TEX11: variants seen among roughly 807,000 people sequenced by gnomAD.
TEX11 encodes the protein testis expressed 11.
In TEX11, 7 loss-of-function variants were observed where a neutral mutation model predicts 84.4. The ratio of observed to expected loss-of-function variants is 0.08; its 90% confidence interval spans 0.05 to 0.16. The LOEUF (loss-of-function observed/expected upper bound fraction) is 0.16. Among genes scored for constraint, TEX11 ranks in the 10% least tolerant of loss-of-function variants. TEX11 has a pLI of 1.00. For synonymous variants in TEX11, 264 were observed against 222.8 expected, an observed-to-expected ratio of 1.18 and a Z score of -1.64; for missense variants, 551 against 660.5, an observed-to-expected ratio of 0.83 and a Z score of 1.82.
chrX:70,555,474 C>T (rs779779113), intron 25 of TEX11, among the ~76,000 whole-genome samples: 10 of 112,022 alleles, frequency 8.9e-5, no homozygotes, highest in South Asian at 3.7e-4. Flanking sequence ...TGTTTAAACC[C>T]GTGTAATAAC....
At chrX:70,644,460 G>T (rs1304788415) in intron 17 of TEX11, among the ~76,000 whole-genome samples, 3 of 106,746 alleles carry the variant, frequency 2.8e-5, no homozygotes, top group Admixed American at 1.0e-4. Flanking sequence ...CTGCTATAAA[G>T]ACACATGCAC....
At chrX:70,580,233 A>AT (rs2088753197) in intron 25 of TEX11, among the ~76,000 whole-genome samples, 1 of 112,407 alleles carries the variant, frequency 8.9e-6, no homozygotes, top group Non-Finnish European at 1.9e-5. Flanking sequence ...GTTCTCACTT[A>AT]TTTGTGGAAG....
chrX:70,813,704 C>T (rs1302781751), intron 8 of TEX11, among the ~76,000 whole-genome samples: 61 of 111,462 alleles, frequency 5.5e-4, no homozygotes, highest in Non-Finnish European at 7.9e-4. Flanking sequence ...AAAACCCCAT[C>T]GTCTCAGCCC....
intron 17 of TEX11, among the ~76,000 whole-genome samples, chrX:70,645,413 C>G (rs941774600): frequency 9.0e-6 from 1 of 111,417 alleles, no homozygotes; most frequent in African/African-American, 3.3e-5. Flanking sequence ...ACTCTCACTA[C>G]TTCTATTCAA....
chrX:70,874,327 G>A, intron 3 of TEX11, among the ~76,000 whole-genome samples: 1 of 109,369 alleles, frequency 9.1e-6, no homozygotes, highest in East Asian at 2.8e-4. Context: ...ATTATTCTGG[G>A]GCTAATTATC....
chrX:70,644,909 A>T (rs959264023), intron 17 of TEX11, among the ~76,000 whole-genome samples: 1 of 107,225 alleles, frequency 9.3e-6, no homozygotes, highest in African/African-American at 3.4e-5. Flanking sequence ...GTACCCTAAA[A>T]CTTAAAGTAT....
intron 8 of TEX11, 58 bp from the exon 9 acceptor site, chrX:70,806,848 G>A: frequency 1.1e-6 from 1 of 869,782 alleles, no homozygotes. Context: ...AACACACTTT[G>A]GGAGGCCGAG....
At chrX:70,527,456 AG>A (rs1206853704), downstream of TEX11, among the ~76,000 whole-genome samples, 1 of 111,897 alleles carries the variant, frequency 8.9e-6, no homozygotes, top group Non-Finnish European at 1.9e-5. Context: ...ACCTAAATTG[AG>A]GTGCATGGTA....
At chrX:70,741,828 A>G (rs1044101846) in intron 10 of TEX11, among the ~76,000 whole-genome samples, 2 of 110,352 alleles carry the variant, frequency 1.8e-5, no homozygotes, top group Non-Finnish European at 3.8e-5. Context: ...TCCTACAACT[A>G]CTCTAGCTAA....
chrX:70,720,424 G>C lies in TEX11; in HGVS notation c.1004+2194C>G, dbSNP rs1054015425. On this transcript the variant is annotated intron_variant, in intron 13 of 29. Transcript: ENST00000374333. ...TAGGAGATATACCTAATGTAAATGA[G>C]GAGTTAATGGGTGCAGCACACCAAC... Among the ~76,000 whole-genome samples the C allele has an allele frequency of 2.7e-5, 3 of 110,153 alleles. No homozygotes were observed. The South Asian group carries it at 1.2e-3, about 43-fold the overall frequency.
chrX:70,824,947 T>A (rs748881787), intron 8 of TEX11, among the ~76,000 whole-genome samples: 1 of 111,501 alleles, frequency 9.0e-6, no homozygotes, highest in Non-Finnish European at 1.9e-5. Flanking sequence ...CCAGATTGAT[T>A]ACCTGCTATA....
At chrX:70,774,329 C>T (rs1171417995) in intron 9 of TEX11, among the ~76,000 whole-genome samples, 3 of 105,491 alleles carry the variant, frequency 2.8e-5, no homozygotes, top group South Asian at 4.2e-4. Context: ...AAAACAAGAA[C>T]GTCCACTATC....
intron 9 of TEX11, among the ~76,000 whole-genome samples, chrX:70,744,592 A>T (rs2090756706): frequency 9.1e-6 from 1 of 110,194 alleles, no homozygotes; most frequent in Non-Finnish European, 1.9e-5. Flanking sequence ...AAATATATAT[A>T]ATTTACTGCA....
chrX:70,843,942 A>G (rs2147844707), intron 7 of TEX11, among the ~76,000 whole-genome samples: 1 of 111,546 alleles, frequency 9.0e-6, no homozygotes, highest in African/African-American at 3.3e-5. Flanking sequence ...GAATGGCATC[A>G]TTAAAAAGTC....
chrX:70,788,966 ATATATATAG>A (rs2091099224), intron 9 of TEX11, among the ~76,000 whole-genome samples: 2 of 40,094 alleles, frequency 5.0e-5, no homozygotes, highest in African/African-American at 2.4e-4. Context: ...ATATATATAT[ATATATATAG>A]AGAGAGAGAG....
At chrX:70,869,152 CCTTT>C (rs2091617993) in intron 4 of TEX11, among the ~76,000 whole-genome samples, 1 of 107,409 alleles carries the variant, frequency 9.3e-6, no homozygotes, top group Admixed American at 9.9e-5. Context: ...GAAAATGTTT[CCTTT>C]CTTTATTCCA....
At chrX:70,648,688 G>A (rs2089776438) in intron 17 of TEX11, among the ~76,000 whole-genome samples, 1 of 111,113 alleles carries the variant, frequency 9.0e-6, no homozygotes, top group Non-Finnish European at 1.9e-5. Context: ...CCCACTATCA[G>A]AATAGCTAAA....
intron 13 of TEX11, among the ~76,000 whole-genome samples, chrX:70,704,736 T>C (rs2090355354): frequency 9.0e-6 from 1 of 111,253 alleles, no homozygotes; most frequent in Admixed American, 9.6e-5. Context: ...TTCTTTCCAT[T>C]TCCTATTCTG....
chrX:70,888,333 G>C (rs982980394), intron 2 of TEX11, among the ~76,000 whole-genome samples: 1 of 112,497 alleles, frequency 8.9e-6, no homozygotes, highest in Admixed American at 9.4e-5. Flanking sequence ...ATATAACACA[G>C]AGAAGGAATT....
Sources: gnomAD v4.1 joint callset for allele counts (sites outside exome capture counted in the v4.1 genomes callset) on GRCh38, gnomAD v4.1.1 for gene constraint, MANE v1.5 for transcripts, NCBI Gene and HGNC (gene_info 2026-07-23, HGNC 2026-07-21) for gene names.